Variants in ARHGEF40 observed in about 807,000 individuals in gnomAD.
ARHGEF40 encodes the protein Rho guanine nucleotide exchange factor (GEF) 40.
In ARHGEF40, 98 loss-of-function variants were observed where a neutral mutation model predicts 165.9. The observed-to-expected ratio is 0.59, with a 90% CI of 0.50 to 0.70. ARHGEF40 has a LOEUF of 0.70. Among genes scored for constraint, ARHGEF40 ranks in the 30% least tolerant of loss-of-function variants. The pLI is 0.00. For synonymous variants in ARHGEF40, 792 were observed against 814.3 expected, an observed-to-expected ratio of 0.97 and a Z score of 0.47; for missense variants, 1,815 against 1,968.0, an observed-to-expected ratio of 0.92 and a Z score of 1.47.
chr14:21,086,925 A>T, intron 19 of ARHGEF40, 76 bp from the exon 20 acceptor site: 44 of 1,207,036 alleles, frequency 3.6e-5, no homozygotes, highest in Non-Finnish European at 4.3e-5. Flanking sequence ...AAAAAAAAGA[A>T]AAAAATCAAC....
chr14:21,074,594 G>C lies in ARHGEF40; in HGVS notation c.864G>C (p.Ala288=). 6.4e-7 allele frequency: 1 copy of C among 1,566,186 alleles called. No individual in the cohort carries two copies. Among genetic ancestry groups the C allele is most frequent in the Non-Finnish European group, 8.6e-7 (1 of 1,156,114 alleles). Residue 288 remains alanine (A), a synonymous_variant, in exon 3 of 24, where the codon GCG becomes GCC. Transcript: ENST00000298694. This position sits in a 1 kb window ranked among gnomAD's most constrained non-coding sequence, Gnocchi z 4.8. ...GGKGRHRRHR[A]WMHQKGLGPR... Reference sequence around the variant, plus strand: ...AGGGCCGCCACCGGAGACACCGGGCGTGGATGCACCAGAAGGGCCTGGGGC... The same window carrying C: ...AGGGCCGCCACCGGAGACACCGGGCCTGGATGCACCAGAAGGGCCTGGGGC...
In ARHGEF40 at chr14:21,088,085, G is replaced by T. The variant is rs746298302; in HGVS notation, c.4505G>T (p.Gly1502Val). 4.3e-6 allele frequency: 7 copies of T among 1,611,536 alleles called. No homozygotes were observed. Among genetic ancestry groups the T allele is most frequent in the Middle Eastern group, 1.7e-4 (1 of 6,038 alleles). ...ACCCTGGCCAGTCGAGGGATCTTAG[G>T]GCTATCCCGACAGGTAAGTTCCTAC... ...TPTLASRGIL[G>V]LSRQSHARAL... The change falls in exon 22 of 24, where the codon GGG becomes GTG. Residue 1502 changes from glycine to valine, a missense_variant. By Grantham distance (109) the Gly-to-Val change is moderately radical (BLOSUM62 -3). Transcript: ENST00000298694.
At chr14:21,069,211 C>T (rs1473023966), upstream of ARHGEF40, among the ~76,000 whole-genome samples, 3 of 152,224 alleles carry the variant, frequency 2.0e-5, no homozygotes, top group African/African-American at 7.2e-5. Flanking sequence ...CCTGGGAGAC[C>T]CCCCATCTGG....
Position 21,080,922 on chromosome 14 carries a change from C to T in ARHGEF40, c.2546C>T (p.Thr849Ile), listed in dbSNP as rs769514110. The stretch of plus-strand genomic sequence containing the variant: ...GCCCTGGCTCTGGAGGAGAATGCCA[C>T]CTCCCAGAAGGTGCTGGATATCTTT... The part of the protein sequence containing the change: ...REALALEENA[T>I]SQKVLDIFEQ... The change falls in exon 13 of 24, where the codon ACC becomes ATC. Residue 849 changes from threonine to isoleucine, a missense_variant. By Grantham distance (89) the Thr-to-Ile change is moderately conservative. Coordinates refer to ENST00000298694, the MANE Select transcript of ARHGEF40 (RefSeq NM_018071.5). 1 of 1,614,206 alleles carries T rather than the reference C, an allele frequency of 6.2e-7. No homozygotes were observed. The highest frequency in any genetic ancestry group is 8.5e-7 in the Non-Finnish European group (1 of 1,180,042).
intron 8 of ARHGEF40, among the ~76,000 whole-genome samples, chr14:21,077,277 G>GTTT (rs1229886464): frequency 8.6e-6 from 1 of 115,694 alleles, no homozygotes; most frequent in African/African-American, 3.1e-5. Flanking sequence ...CCTAGTTTTT[G>GTTT]TATTTTTTTT....
chr14:21,088,008 A>T lies in ARHGEF40; in HGVS notation c.4428A>T (p.Gly1476=), dbSNP rs2274683. 5.2e-4 allele frequency: 847 copies of T among 1,614,034 alleles called. 4 individuals carry two copies. In the East Asian group the frequency reaches 0.017, roughly 33 times the overall value. Residue 1476 remains glycine (G), a synonymous_variant, in exon 22 of 24, where the codon GGA becomes GGT. Transcript: ENST00000298694. ...TLDSSGDVSP[G]PRNSPSLQPP... Reference sequence around the variant, plus strand: ...ACTCTTCTGGAGATGTGTCCCCAGGACCAAGAAACAGCCCCAGCCTGCAAC... The same window carrying T: ...ACTCTTCTGGAGATGTGTCCCCAGGTCCAAGAAACAGCCCCAGCCTGCAAC...
chr14:21,079,925 C>T (rs1887738706), intron 11 of ARHGEF40, among the ~76,000 whole-genome samples: 1 of 152,088 alleles, frequency 6.6e-6, no homozygotes. Context: ...TCATGAAGCT[C>T]CTCTGAGTTC....
rs762302190 is a variant in ARHGEF40, at chr14:21,076,322, AC to A, written c.1740-37del. 14 of 1,567,494 alleles carry A rather than the reference AC, an allele frequency of 8.9e-6. No individual in the cohort carries two copies. In the East Asian group the frequency reaches 3.1e-4, roughly 35 times the overall value. On this transcript the variant is annotated intron_variant, in intron 5 of 23. Coordinates refer to ENST00000298694, the MANE Select transcript of ARHGEF40 (RefSeq NM_018071.5). ...CCTTATCTGCTATCCCCCAAAACACACACACAGCAGCCTCCTTGGCTCTTCC... is the reference window on the plus strand; with the variant it reads ...CCTTATCTGCTATCCCCCAAAACACAACACAGCAGCCTCCTTGGCTCTTCC...
intron 1 of ARHGEF40, among the ~76,000 whole-genome samples, chr14:21,071,185 C>T (rs1032585987): frequency 6.6e-6 from 1 of 152,196 alleles, no homozygotes; most frequent in Non-Finnish European, 1.5e-5. Flanking sequence ...GCAGCAGCAA[C>T]TTGGGGCGCT....
Position 21,087,325 on chromosome 14 carries a change from C to A in ARHGEF40, c.4249C>A (p.Arg1417Ser), listed in dbSNP as rs779892227. 2 of 1,605,980 alleles carry A rather than the reference C, an allele frequency of 1.2e-6. No homozygotes were observed. Among genetic ancestry groups the A allele is most frequent in the Middle Eastern group, 1.7e-4 (1 of 5,766 alleles). The change falls in exon 21 of 24, where the codon CGC (arginine) becomes AGC (serine). Residue 1417 changes from arginine to serine, a missense_variant. Transcript: ENST00000298694. Reference sequence around the variant, plus strand: ...CCACTCCCCACTCTCTGCAGCCGCCCGCACCCGGGCCTCCGTGGCCGTGTC... The same window carrying A: ...CCACTCCCCACTCTCTGCAGCCGCCAGCACCCGGGCCTCCGTGGCCGTGTC... ...LSALLTGRAA[R>S]TRASVAVSSF...
At chr14:21,065,026 C>G in the ARHGEF40 span, among the ~76,000 whole-genome samples, 1 of 152,102 alleles carries the variant, frequency 6.6e-6, no homozygotes, top group African/African-American at 2.4e-5. Context: ...CAAAAATTAG[C>G]CAGGCCTGGT....
In ARHGEF40 at chr14:21,082,959, A is replaced by G. The variant is rs369515116; in HGVS notation, c.3573+42A>G. 5 of 1,588,904 alleles carry G rather than the reference A, an allele frequency of 3.1e-6. No homozygotes were observed. The African/African-American group carries it at 4.0e-5, about 13-fold the overall frequency. ...CCTTCAGGAGAAAAGTAGAGAGGCC[A>G]GAAAGACCTAAAAACCCACCCAACA... On this transcript the variant is annotated intron_variant, in intron 16 of 23. Transcript: ENST00000298694.
the ARHGEF40 span, among the ~76,000 whole-genome samples, chr14:21,062,984 G>C: frequency 6.6e-6 from 1 of 151,578 alleles, no homozygotes; most frequent in Admixed American, 6.6e-5. Context: ...TAATTAGCCA[G>C]GTGTAGGGGT....
chr14:21,061,661 T>G, the ARHGEF40 span, among the ~76,000 whole-genome samples: 3 of 152,168 alleles, frequency 2.0e-5, no homozygotes, highest in African/African-American at 2.4e-5. Flanking sequence ...TATTTTCCAG[T>G]GGGTAAGTAT....
rs1887925337 is a variant in ARHGEF40, at chr14:21,081,779, G to A, written c.2911G>A (p.Asp971Asn). The change falls in exon 14 of 24, where the codon GAC becomes AAC. Residue 971 changes from aspartate to asparagine, a missense_variant. Physicochemically the swap from Asp to Asn is conservative, Grantham distance 23. Transcript: ENST00000298694. ...SPRGYRRRRADGASSGGAQWG... is the reference protein window; with the variant it reads ...SPRGYRRRRANGASSGGAQWG... ...ACGGGGCTACCGACGACGGCGGGCAGACGGTGCCAGCAGTGGAGGGGCCCA... is the reference window on the plus strand; with the variant it reads ...ACGGGGCTACCGACGACGGCGGGCAAACGGTGCCAGCAGTGGAGGGGCCCA... The A allele has an allele frequency of 7.5e-6, 12 of 1,594,452 alleles. No homozygotes were observed. The East Asian group carries it at 2.7e-4, about 36-fold the overall frequency.
Position 21,073,439 on chromosome 14 carries a change from AAC to A in ARHGEF40, c.201+217_201+218del, listed in dbSNP as rs35990507. On this transcript the variant is annotated intron_variant, in intron 2 of 23. Coordinates refer to ENST00000298694, the MANE Select transcript of ARHGEF40 (RefSeq NM_018071.5). The surrounding 1 kb of genome is among the most constrained non-coding windows in gnomAD (Gnocchi z 4.6). ...CACAGGCACTGACCATTCAGATGCT[AAC>A]ACACACACACACACACACATTCATC... is the stretch of plus-strand genomic sequence containing the variant. Among the ~76,000 whole-genome samples the A allele has an allele frequency of 1.2e-4, 18 of 149,918 alleles. No homozygotes were observed. The highest frequency in any genetic ancestry group is 4.2e-4 in the South Asian group (2 of 4,714).
chr14:21,086,696 G>A (rs74036591), intron 19 of ARHGEF40: 2 of 299,310 alleles, frequency 6.7e-6, no homozygotes, highest in Non-Finnish European at 1.3e-5. Context: ...TTTGTTTTTT[G>A]TGTGTGTATG....
chr14:21,086,946 T>A, intron 19 of ARHGEF40, 55 bp from the exon 20 acceptor site: 5 of 1,320,076 alleles, frequency 3.8e-6, no homozygotes, highest in Non-Finnish European at 5.3e-6. Context: ...CATGACATGC[T>A]AGGGCTAGAG....
At chr14:21,078,332 C>G (rs200375923) in intron 9 of ARHGEF40, 41 bp from the exon 10 acceptor site, 2 of 1,597,664 alleles carry the variant, frequency 1.3e-6, no homozygotes, top group African/African-American at 1.3e-5. Context: ...GGTGGAGACT[C>G]TCTGGTGGAA....
Sources: allele counts gnomAD v4.1 joint callset (sites outside exome capture counted in the v4.1 genomes callset), GRCh38; gene constraint gnomAD v4.1.1; non-coding constraint Gnocchi (gnomAD v3.1); transcripts MANE v1.5; gene names NCBI Gene and HGNC (gene_info 2026-07-23, HGNC 2026-07-21).